The following UMAD1 variants were observed in gnomAD, a reference collection of about 807,000 sequenced individuals.
UMAD1 encodes UBAP1-MVB12-associated (UMA) domain containing 1.
Under a neutral mutation model 6.1 loss-of-function variants are expected in UMAD1, and 8 were observed. The observed-to-expected ratio is 1.30, with a 90% CI of 0.76 to 2.35. The LOEUF is 2.35. Among genes scored for constraint, UMAD1 ranks in the 30% most tolerant of loss-of-function variants. UMAD1 has a pLI of 0.00. For synonymous variants in UMAD1, 56 were observed against 31.4 expected, an observed-to-expected ratio of 1.78 and a Z score of -2.61; for missense variants, 130 against 78.4, an observed-to-expected ratio of 1.66 and a Z score of -2.49.
intron 2 of UMAD1, chr7:7,718,470 T>A (rs1053760429): frequency 6.6e-6 from 1 of 152,172 alleles, no homozygotes. Context: ...TAAGTTATTT[T>A]GAAGGAAAAA....
chr7:7,790,497 G>A (rs1453793225), intron 2 of UMAD1, among the ~76,000 whole-genome samples: 6 of 152,160 alleles, frequency 3.9e-5, no homozygotes, highest in Admixed American at 3.9e-4. Flanking sequence ...CTTGGATTCA[G>A]GCCCATTCAG....
intron 1 of UMAD1, among the ~76,000 whole-genome samples, chr7:7,645,450 A>T (rs1785071936): frequency 6.6e-6 from 1 of 152,162 alleles, no homozygotes; most frequent in African/African-American, 2.4e-5. Flanking sequence ...ATCTAGTTCC[A>T]TATTTATGGT....
chr7:7,735,336 AC>A (rs1781333113), intron 2 of UMAD1, among the ~76,000 whole-genome samples: 1 of 152,168 alleles, frequency 6.6e-6, no homozygotes, highest in Non-Finnish European at 1.5e-5. Context: ...ACTTCTGCAG[AC>A]TTTTAATCCA....
intron 2 of UMAD1, among the ~76,000 whole-genome samples, chr7:7,682,989 C>T (rs17468300): frequency 0.011 from 1,605 of 152,222 alleles, 17 homozygotes; most frequent in Non-Finnish European, 0.018. Flanking sequence ...TTCAGTTTTT[C>T]GGAGGTGAAA....
chr7:7,799,658 C>G (rs904666347), intron 2 of UMAD1, among the ~76,000 whole-genome samples: 5 of 152,146 alleles, frequency 3.3e-5, no homozygotes, highest in Admixed American at 6.5e-5. Flanking sequence ...ACAACGTTGA[C>G]CTTGTTGTAC....
At chr7:7,785,091 G>A (rs1468528254) in intron 2 of UMAD1, among the ~76,000 whole-genome samples, 1 of 152,164 alleles carries the variant, frequency 6.6e-6, no homozygotes, top group East Asian at 1.9e-4. Context: ...TCTGGTATCA[G>A]TCCTTCAGAT....
At chr7:7,787,883 G>C (rs567331524) in intron 2 of UMAD1, among the ~76,000 whole-genome samples, 86 of 152,302 alleles carry the variant, frequency 5.6e-4, no homozygotes, top group African/African-American at 2.0e-3. Flanking sequence ...CCAGGTCAAA[G>C]TGCTATTAAT....
chr7:7,672,119 CCTT>C (rs1231380924), intron 1 of UMAD1, among the ~76,000 whole-genome samples: 1 of 152,166 alleles, frequency 6.6e-6, no homozygotes, highest in African/African-American at 2.4e-5. Flanking sequence ...CCTCACCCTC[CCTT>C]CTTGGTTTTC....
chr7:7,719,921 C>T (rs1563153489), intron 2 of UMAD1, among the ~76,000 whole-genome samples: 1 of 152,094 alleles, frequency 6.6e-6, no homozygotes, highest in Non-Finnish European at 1.5e-5. Flanking sequence ...CAGAGAAGTA[C>T]CTCCCTGGGT....
rs1384812337 is a variant in UMAD1, at chr7:7,877,270, T to C, written c.157-11T>C. ...ACAAGGCCTAAATGTTTTAAATGTATGTATTTTTAGACCAACAAAGAAAAT... is the reference window on the plus strand; with the variant it reads ...ACAAGGCCTAAATGTTTTAAATGTACGTATTTTTAGACCAACAAAGAAAAT... On this transcript the variant is annotated splice_polypyrimidine_tract_variant and intron_variant, in intron 3 of 3. Transcript: ENST00000682710. 3 of 710,118 alleles carry C rather than the reference T, an allele frequency of 4.2e-6. No homozygotes were observed. The highest frequency in any genetic ancestry group is 1.7e-5 in the African/African-American group (1 of 57,146). 44.0% of individuals were successfully genotyped at this position (710,118 alleles called of 1,614,324 possible).
intron 2 of UMAD1, among the ~76,000 whole-genome samples, chr7:7,698,234 A>G (rs1055146332): frequency 6.6e-6 from 1 of 152,250 alleles, no homozygotes; most frequent in Non-Finnish European, 1.5e-5. Context: ...TTAGTAAGAT[A>G]TAGACAGGGC....
chr7:7,729,052 A>T (rs553902021), intron 2 of UMAD1, among the ~76,000 whole-genome samples: 1 of 152,372 alleles, frequency 6.6e-6, no homozygotes, highest in Admixed American at 6.5e-5. Flanking sequence ...TAAGGCTTCC[A>T]TAAGTACATA....
chr7:7,687,266 G>T (rs1232908885), intron 2 of UMAD1: 2 of 152,186 alleles, frequency 1.3e-5, no homozygotes, highest in African/African-American at 4.8e-5. Flanking sequence ...AAATGTTAAT[G>T]ATATCATGGT....
intron 3 of UMAD1, among the ~76,000 whole-genome samples, chr7:7,805,147 A>G (rs1483576056): frequency 1.3e-5 from 2 of 152,146 alleles, no homozygotes; most frequent in Non-Finnish European, 2.9e-5. Context: ...GTCTCTACCT[A>G]GACCTCTCCC....
chr7:7,709,200 G>C (rs1780686636), intron 2 of UMAD1, among the ~76,000 whole-genome samples: 1 of 152,170 alleles, frequency 6.6e-6, no homozygotes, highest in Non-Finnish European at 1.5e-5. Context: ...TCCTATCTGT[G>C]TGCTGAGATT....
intron 2 of UMAD1, among the ~76,000 whole-genome samples, chr7:7,675,033 A>G (rs1486941687): frequency 6.6e-6 from 1 of 151,950 alleles, no homozygotes; most frequent in African/African-American, 2.4e-5. Context: ...TTTTAAAATT[A>G]TTTTTAAAGA....
chr7:7,778,388 A>T (rs1181388723), intron 2 of UMAD1, among the ~76,000 whole-genome samples: 5 of 151,800 alleles, frequency 3.3e-5, no homozygotes, highest in Admixed American at 2.6e-4. Context: ...CTGTTCTTTC[A>T]AATTTTCTGT....
At chr7:7,696,313 C>T (rs376019412) in intron 2 of UMAD1, among the ~76,000 whole-genome samples, 1 of 149,366 alleles carries the variant, frequency 6.7e-6, no homozygotes, top group South Asian at 2.1e-4. Context: ...AAAAAAAAAA[C>T]ACCCCAAAAC....
At chr7:7,784,547 G>A (rs555578011) in intron 2 of UMAD1, among the ~76,000 whole-genome samples, 207 of 149,056 alleles carry the variant, frequency 1.4e-3, no homozygotes, top group Non-Finnish European at 2.1e-3. Context: ...AGGTTTCACT[G>A]TGTTAGCCAG....
Sources: gnomAD v4.1 joint callset for allele counts (sites outside exome capture counted in the v4.1 genomes callset) on GRCh38, gnomAD v4.1.1 for gene constraint, MANE v1.5 for transcripts, NCBI Gene and HGNC (gene_info 2026-07-23, HGNC 2026-07-21) for gene names.